Variants in GEMIN5 observed in about 807,000 individuals in gnomAD.
GEMIN5 encodes the protein gem nuclear organelle associated protein 5, also known as gem-associated protein 5.
In GEMIN5, 124 loss-of-function variants were observed where a neutral mutation model predicts 176.9. The observed-to-expected ratio is 0.70, with a 90% CI of 0.61 to 0.81. The LOEUF is 0.81. Among genes scored for constraint, GEMIN5 ranks in the 40% least tolerant of loss-of-function variants. The probability of loss-of-function intolerance (pLI) is 0.00; values close to 1 mark genes in which losing one functional copy is unlikely to be tolerated. For missense variants in GEMIN5, 1,843 were observed against 1,814.6 expected (o/e 1.02, Z -0.28); for synonymous variants, 673 against 665.2 (o/e 1.01, Z -0.18).
chr5:154,894,751 C>A (rs1394678369), intron 24 of GEMIN5, among the ~76,000 whole-genome samples: 2 of 151,938 alleles, frequency 1.3e-5, no homozygotes, highest in Non-Finnish European at 2.9e-5. Flanking sequence ...ACTAAAAATA[C>A]AAAAAATTAG....
chr5:154,930,593 A>G (rs1355447442), intron 5 of GEMIN5, among the ~76,000 whole-genome samples: 3 of 152,208 alleles, frequency 2.0e-5, no homozygotes, highest in Non-Finnish European at 4.4e-5. Flanking sequence ...CCAATCACAA[A>G]AAGACATATC....
At chr5:154,924,659 C>G in intron 8 of GEMIN5, 105 bp from the exon 9 acceptor site, 1 of 733,058 alleles carries the variant, frequency 1.4e-6, no homozygotes, top group African/African-American at 1.8e-5. Flanking sequence ...CTGTCTTGCT[C>G]TGATTTCTTC....
chr5:154,924,529 C>A lies in GEMIN5; in HGVS notation c.1319G>T (p.Gly440Val), dbSNP rs780664918. 4.3e-6 allele frequency: 7 copies of A among 1,612,568 alleles called. No homozygotes were observed. Among genetic ancestry groups the A allele is most frequent in the Non-Finnish European group, 5.1e-6 (6 of 1,178,702 alleles). The change falls in exon 9 of 28, where the codon GGT (glycine) becomes GTT (valine). Residue 440 changes from glycine to valine, a missense_variant. Transcript: ENST00000285873. ...ATCATCAGTTCCAAAAGCTAAGCAA[C>A]CTTCCTTGGTTGGGTGCCAGCACAG... Reference protein sequence around the residue: ...TALCWHPTKEGCLAFGTDDGK... With the variant: ...TALCWHPTKEVCLAFGTDDGK...
chr5:154,926,215 C>T, intron 7 of GEMIN5, 141 bp from the exon 8 acceptor site: 1 of 580,788 alleles, frequency 1.7e-6, no homozygotes, highest in Non-Finnish European at 3.1e-6. Flanking sequence ...GAAAGCACTG[C>T]TAAGAAAAAA....
Position 154,931,189 on chromosome 5 carries a change from T to C in GEMIN5, c.781+269A>G, listed in dbSNP as rs190320257. On this transcript the variant is annotated intron_variant, in intron 5 of 27. Coordinates refer to ENST00000285873, the MANE Select transcript of GEMIN5 (RefSeq NM_015465.5). ...AATATTCCTGTTTTTATTACAAATA[T>C]TCTGCTCTCCATGCCAAACACTGAC... Among the ~76,000 whole-genome samples the C allele has an allele frequency of 1.7e-3, 256 of 152,374 alleles. 1 individual carries two copies. Among genetic ancestry groups the C allele is most frequent in the Non-Finnish European group, 2.8e-3 (191 of 68,034 alleles).
At chr5:154,932,278 T>TA (rs760535569) in intron 3 of GEMIN5, 28 bp from the exon 4 acceptor site, 11 of 1,543,620 alleles carry the variant, frequency 7.1e-6, no homozygotes, top group South Asian at 5.7e-5. Context: ...GAAATATTAC[T>TA]AAAAAAATGA....
rs373366218 is a variant in GEMIN5 at position 154,902,554 on chromosome 5, C to A, written c.2851G>T (p.Ala951Ser). 3.7e-6 allele frequency: 6 copies of A among 1,613,910 alleles called. No individual in the cohort carries two copies. The highest frequency in any genetic ancestry group is 5.1e-6 in the Non-Finnish European group (6 of 1,179,936). ...ERGELTDNLV[A>S]MAPAAGYHVW... is the part of the protein sequence containing the mutation. ...AAAACCATACCTGCTGGTGCCATAG[C>A]CACAAGGTTGTCTGTCAGCTCCCCT... Residue 951 changes from alanine to serine, a missense_variant, in exon 20 of 28, where the codon GCT becomes TCT. Physicochemically the swap from Ala to Ser is moderately conservative, Grantham distance 99. Coordinates refer to ENST00000285873, the MANE Select transcript of GEMIN5 (RefSeq NM_015465.5).
intron 9 of GEMIN5, among the ~76,000 whole-genome samples, chr5:154,923,565 G>C (rs556898728): frequency 6.6e-6 from 1 of 152,202 alleles, no homozygotes; most frequent in Non-Finnish European, 1.5e-5. Flanking sequence ...GTAAACAAAG[G>C]AGTGCAGCCA....
chr5:154,915,140 C>T (rs1160854688), intron 13 of GEMIN5, among the ~76,000 whole-genome samples: 1 of 152,126 alleles, frequency 6.6e-6, no homozygotes, highest in African/African-American at 2.4e-5. Flanking sequence ...ATTAGTTATA[C>T]ACTGTCTACT....
chr5:154,903,191 G>A lies in GEMIN5; in HGVS notation c.2633-16C>T. ...TCATTCAGCTCTGTTAATTTAAAAA[G>A]GCAAAAAAATCAGATGAAGTCATTA... On this transcript the variant is annotated splice_polypyrimidine_tract_variant and intron_variant, in intron 18 of 27. Transcript: ENST00000285873. 6.5e-7 allele frequency: 1 copy of A among 1,544,766 alleles called. No homozygotes were observed. Among genetic ancestry groups the A allele is most frequent in the Admixed American group, 1.7e-5 (1 of 58,336 alleles).
chr5:154,924,885 A>G (rs1458396780), intron 8 of GEMIN5, among the ~76,000 whole-genome samples: 2 of 152,022 alleles, frequency 1.3e-5, no homozygotes, highest in Admixed American at 1.3e-4. Flanking sequence ...GCTACTCGGG[A>G]GGCTGAGGCA....
chr5:154,895,971 TGC>T, intron 24 of GEMIN5, 119 bp downstream of exon 24: 1 of 1,154,350 alleles, frequency 8.7e-7, no homozygotes, highest in South Asian at 1.5e-5. Context: ...GGCGTGGCCA[TGC>T]CTTAGCCTTT....
intron 17 of GEMIN5, 92 bp from the exon 18 acceptor site, chr5:154,904,721 G>A: frequency 1.1e-6 from 1 of 902,010 alleles, no homozygotes; most frequent in Non-Finnish European, 1.8e-6. Context: ...CTACTGGCAG[G>A]ACGACACCAC....
At chr5:154,908,077 T>C (rs890817388) in intron 15 of GEMIN5, among the ~76,000 whole-genome samples, 1 of 151,234 alleles carries the variant, frequency 6.6e-6, no homozygotes, top group African/African-American at 2.4e-5. Context: ...GACGTCACCA[T>C]AGTACAACCA....
rs368088395 is a variant in GEMIN5 at position 154,891,678 on chromosome 5, A to G, written c.3825T>C (p.Ser1275=). The change falls in exon 26 of 28, where the codon AGT becomes AGC. Residue 1275 remains serine, a synonymous_variant. Transcript: ENST00000285873. ...GCCCATAAAGAAAAAAGGCCTCCAA[A>G]CTTTTGAAAGCTGGTGTGGCAGGGG... ...HQSPATPAFK[S]LEAFFLYGRL... The G allele has an allele frequency of 1.9e-6, 3 of 1,612,216 alleles. No individual in the cohort carries two copies. Among genetic ancestry groups the G allele is most frequent in the Non-Finnish European group, 1.7e-6 (2 of 1,179,592 alleles).
intron 21 of GEMIN5, 112 bp from the exon 22 acceptor site, chr5:154,899,422 C>A: frequency 1.1e-6 from 1 of 907,048 alleles, no homozygotes; most frequent in African/African-American, 1.7e-5. Flanking sequence ...CTTATTGTTC[C>A]AACTTCCTTT....
chr5:154,911,706 A>C, intron 15 of GEMIN5, 21 bp downstream of exon 15: 3 of 1,588,000 alleles, frequency 1.9e-6, no homozygotes, highest in Non-Finnish European at 2.6e-6. Context: ...AGAATTAGAT[A>C]AGCTCTAGGT....
intron 25 of GEMIN5, 50 bp downstream of exon 25, chr5:154,892,337 G>A (rs1213975050): frequency 2.1e-6 from 3 of 1,439,498 alleles, no homozygotes; most frequent in East Asian, 2.3e-5. Flanking sequence ...ACTAATGGTG[G>A]TGATGTTGTC....
rs747474620 is a variant in GEMIN5, at chr5:154,932,162, A to T, written c.598T>A (p.Ser200Thr). 1 of 1,612,082 alleles carries T rather than the reference A, an allele frequency of 6.2e-7. No individual in the cohort carries two copies. Among genetic ancestry groups the T allele is most frequent in the Non-Finnish European group, 8.5e-7 (1 of 1,178,088 alleles). ...CCAGGCAGGGGACACCAGGCTATGGAGTGGATTTCATCATCATGGCCTCGA... is the reference window on the plus strand; with the variant it reads ...CCAGGCAGGGGACACCAGGCTATGGTGTGGATTTCATCATCATGGCCTCGA... Reference protein sequence around the residue: ...RLRGHDDEIHSIAWCPLPGED... With the variant: ...RLRGHDDEIHTIAWCPLPGED... Residue 200 changes from serine to threonine, a missense_variant, in exon 4 of 28, where the codon TCC (serine) becomes ACC (threonine). Transcript: ENST00000285873.
Sources: allele counts gnomAD v4.1 joint callset (sites outside exome capture counted in the v4.1 genomes callset), GRCh38; gene constraint gnomAD v4.1.1; transcripts MANE v1.5; gene names NCBI Gene and HGNC (gene_info 2026-07-23, HGNC 2026-07-21).